DIAPH3: variants seen among roughly 807,000 people sequenced by gnomAD.
The protein encoded by DIAPH3 is diaphanous related formin 3, also known as protein diaphanous homolog 3.
Under a neutral mutation model 144.3 loss-of-function variants are expected in DIAPH3, and 117 were observed. The observed-to-expected ratio is 0.81, with a 90% CI of 0.70 to 0.95. The LOEUF is 0.95. Among genes scored for constraint, DIAPH3 ranks in the 40% least tolerant of loss-of-function variants. DIAPH3 has a pLI of 0.00. For synonymous variants in DIAPH3, 519 were observed against 488.9 expected (o/e 1.06, Z -0.81); for missense variants, 1,421 against 1,412.7 (o/e 1.01, Z -0.09).
At chr13:60,050,933 A>T (rs1418019005) in intron 4 of DIAPH3, among the ~76,000 whole-genome samples, 1 of 152,168 alleles carries the variant, frequency 6.6e-6, no homozygotes, top group Non-Finnish European at 1.5e-5. Flanking sequence ...TATGAAAATA[A>T]ATTTTCAATG....
chr13:59,781,626 T>C (rs1566300584), intron 25 of DIAPH3, among the ~76,000 whole-genome samples: 1 of 152,158 alleles, frequency 6.6e-6, no homozygotes, highest in Non-Finnish European at 1.5e-5. Flanking sequence ...TGTCGGACCA[T>C]TTGCAAAATG....
At chr13:59,771,417 T>C (rs532711744) in intron 27 of DIAPH3, among the ~76,000 whole-genome samples, 16 of 152,238 alleles carry the variant, frequency 1.1e-4, no homozygotes, top group African/African-American at 3.9e-4. Flanking sequence ...AAAGTGGTCA[T>C]AATTAATTCC....
intron 12 of DIAPH3, among the ~76,000 whole-genome samples, chr13:59,986,578 G>A (rs1233016947): frequency 1.8e-5 from 1 of 56,586 alleles, no homozygotes; most frequent in Non-Finnish European, 3.6e-5. Context: ...CTACTCATCT[G>A]ACAAATGGCT....
intron 25 of DIAPH3, among the ~76,000 whole-genome samples, chr13:59,779,399 G>A (rs1014040029): frequency 6.6e-5 from 10 of 152,102 alleles, no homozygotes; most frequent in African/African-American, 2.4e-4. Context: ...CAAATATAGG[G>A]AAAGAAATTC....
At chr13:59,869,478 T>C (rs1388318046) in intron 21 of DIAPH3, among the ~76,000 whole-genome samples, 1 of 152,202 alleles carries the variant, frequency 6.6e-6, no homozygotes, top group Non-Finnish European at 1.5e-5. Context: ...GTTACCCATA[T>C]ACCGGATTGT....
At chr13:59,680,739 T>C (rs1436122905) in intron 27 of DIAPH3, among the ~76,000 whole-genome samples, 1 of 152,106 alleles carries the variant, frequency 6.6e-6, no homozygotes, top group African/African-American at 2.4e-5. Flanking sequence ...ACAACTATTA[T>C]GGTAAAATAA....
chr13:59,772,272 T>C (rs2038163371), intron 27 of DIAPH3, among the ~76,000 whole-genome samples: 2 of 152,094 alleles, frequency 1.3e-5, no homozygotes. Flanking sequence ...CCAATAAATC[T>C]ACATACACAC....
chr13:59,927,093 C>A (rs1342637076), intron 17 of DIAPH3, among the ~76,000 whole-genome samples: 1 of 152,010 alleles, frequency 6.6e-6, no homozygotes, highest in Non-Finnish European at 1.5e-5. Context: ...CTCTTTTTAT[C>A]TCTTTTTGAC....
chr13:59,840,675 GT>G (rs1263922220), intron 22 of DIAPH3, among the ~76,000 whole-genome samples: 1 of 151,666 alleles, frequency 6.6e-6, no homozygotes, highest in Non-Finnish European at 1.5e-5. Flanking sequence ...CAGATGCAAC[GT>G]TTAAGGAGTC....
Position 59,978,066 on chromosome 13 carries a change from A to G in DIAPH3, c.1545+2729T>C, listed in dbSNP as rs145251935. 4.6e-5 allele frequency among the ~76,000 whole-genome samples: 7 copies of G among 151,840 alleles called. No homozygotes were observed. In the East Asian group the frequency reaches 1.4e-3, roughly 30 times the overall value. On this transcript the variant is annotated intron_variant, in intron 14 of 27. Coordinates refer to ENST00000400324, the MANE Select transcript of DIAPH3 (RefSeq NM_001042517.2). ...CCTTTCCTCTAGGTTTACATACCAC[A>G]TAGGGTTTGTCTACCATACCAATTG...
chr13:59,960,656 C>G (rs2049703511), intron 17 of DIAPH3, among the ~76,000 whole-genome samples: 1 of 151,692 alleles, frequency 6.6e-6, no homozygotes, highest in Non-Finnish European at 1.5e-5. Context: ...AAATAACTGT[C>G]AAAAATAATG....
At chr13:59,946,756 G>A (rs1048972759) in intron 17 of DIAPH3, among the ~76,000 whole-genome samples, 3 of 152,012 alleles carry the variant, frequency 2.0e-5, no homozygotes, top group South Asian at 2.1e-4. Context: ...AGTACATAAC[G>A]GATATGTTAT....
chr13:59,677,108 C>G (rs192214230), intron 27 of DIAPH3, among the ~76,000 whole-genome samples: 14 of 152,076 alleles, frequency 9.2e-5, no homozygotes, highest in Admixed American at 3.9e-4. Flanking sequence ...AGCACAGTGC[C>G]CACCTCATAA....
At chr13:60,045,413 A>G (rs2056004837) in intron 4 of DIAPH3, among the ~76,000 whole-genome samples, 2 of 152,132 alleles carry the variant, frequency 1.3e-5, no homozygotes, top group African/African-American at 2.4e-5. Context: ...GCGAGAAAAA[A>G]CTAATACAAT....
intron 2 of DIAPH3, among the ~76,000 whole-genome samples, chr13:60,119,475 C>T (rs1178382543): frequency 1.3e-5 from 2 of 152,030 alleles, no homozygotes; most frequent in East Asian, 1.9e-4. Flanking sequence ...TGGCCGGGCG[C>T]GGTGGCTCAC....
At chr13:59,790,710 T>C (rs531069474) in intron 25 of DIAPH3, among the ~76,000 whole-genome samples, 1 of 152,018 alleles carries the variant, frequency 6.6e-6, no homozygotes, top group African/African-American at 2.4e-5. Flanking sequence ...GAGTGAAAAT[T>C]GGTGAAGAAA....
chr13:59,807,261 T>G (rs938528844), intron 25 of DIAPH3, among the ~76,000 whole-genome samples: 1 of 151,926 alleles, frequency 6.6e-6, no homozygotes, highest in Non-Finnish European at 1.5e-5. Flanking sequence ...GTCTTTCACT[T>G]TGGTGAGAAA....
At chr13:60,086,284 A>T (rs2057743362) in intron 4 of DIAPH3, among the ~76,000 whole-genome samples, 1 of 152,140 alleles carries the variant, frequency 6.6e-6, no homozygotes, top group Non-Finnish European at 1.5e-5. Flanking sequence ...AATAACTCAT[A>T]AGGAATCTGG....
intron 17 of DIAPH3, among the ~76,000 whole-genome samples, chr13:59,929,947 T>C (rs2047942999): frequency 2.0e-5 from 3 of 152,312 alleles, no homozygotes; most frequent in South Asian, 4.1e-4. Flanking sequence ...TGTATTTGAA[T>C]TGCAAGGTAA....
Sources: gnomAD v4.1 joint callset for allele counts (sites outside exome capture counted in the v4.1 genomes callset) on GRCh38, gnomAD v4.1.1 for gene constraint, MANE v1.5 for transcripts, NCBI Gene and HGNC (gene_info 2026-07-23, HGNC 2026-07-21) for gene names.